PTPRQ: variants seen among roughly 807,000 people sequenced by gnomAD.
PTPRQ encodes protein tyrosine phosphatase receptor type Q.
A neutral mutation model predicts 246.0 loss-of-function variants in PTPRQ; 199 were observed. The observed-to-expected ratio is 0.81, with a 90% CI of 0.72 to 0.91. The LOEUF is 0.91. Among genes scored for constraint, PTPRQ ranks in the 40% least tolerant of loss-of-function variants. The probability of loss-of-function intolerance (pLI) is 0.00; values close to 1 mark genes in which losing one functional copy is unlikely to be tolerated. For synonymous variants in PTPRQ, 869 were observed against 853.2 expected (o/e 1.02, Z -0.32); for missense variants, 2,624 against 2,528.4 (o/e 1.04, Z -0.81).
chr12:80,675,675 G>A, intron 43 of PTPRQ, among the ~76,000 whole-genome samples: 1 of 152,100 alleles, frequency 6.6e-6, no homozygotes, highest in East Asian at 1.9e-4. Context: ...GTTCAAGAAT[G>A]TCTGTTAATA....
chr12:80,486,155 T>C (rs1490760742), intron 9 of PTPRQ, among the ~76,000 whole-genome samples: 1 of 152,152 alleles, frequency 6.6e-6, no homozygotes, highest in Non-Finnish European at 1.5e-5. Flanking sequence ...GGGTTAATAA[T>C]GAGAATTTAA....
intron 43 of PTPRQ, 143 bp downstream of exon 43, chr12:80,673,447 G>T: frequency 7.7e-7 from 1 of 1,299,924 alleles, no homozygotes; most frequent in South Asian, 1.7e-5. Context: ...GGGAGGATTC[G>T]GGAGGGCAGC....
intron 25 of PTPRQ, among the ~76,000 whole-genome samples, chr12:80,552,645 TTATATATATATATATA>T (rs71094985): frequency 0.014 from 1,056 of 76,472 alleles, 70 homozygotes; most frequent in African/African-American, 0.037. Context: ...AAAAAAAAAA[TTATATATATATATATA>T]TATATATATA....
In PTPRQ at chr12:80,472,145, A is replaced by C. The variant is rs1312745977; in HGVS notation, c.1080A>C (p.Ala360=). 1.9e-6 allele frequency: 3 copies of C among 1,551,600 alleles called. No homozygotes were observed. The Admixed American group carries it at 5.9e-5, about 30-fold the overall frequency. The part of the protein sequence containing the change: ...LDNSTKDLKF[A]FTNLTPFTMY... ...ACAGCACAAAAGACCTCAAGTTTGC[A>C]TTCACTAACCTAACACCATTTACAA... Residue 360 remains alanine (A), a synonymous_variant, in exon 8 of 45, where the codon GCA becomes GCC. Coordinates refer to ENST00000644991, the MANE Select transcript of PTPRQ (RefSeq NM_001145026.2).
Position 80,558,143 on chromosome 12 carries a change from C to CTTTTCTTTTCTTTTCT in PTPRQ, c.4285+8413_4285+8428dup, listed in dbSNP as rs1896709945. ...TCTTTCTTTTCTTTTCTTTTCTTTTCTTTTCTTTTCTTTTCTTTTCTTTTC... is the reference window on the plus strand; with the variant it reads ...TCTTTCTTTTCTTTTCTTTTCTTTTCTTTTCTTTTCTTTTCTTTTTCTTTTCTTTTCTTTTCTTTTC... On this transcript the variant is annotated intron_variant, in intron 25 of 44. Coordinates refer to ENST00000644991, the MANE Select transcript of PTPRQ (RefSeq NM_001145026.2). Among the ~76,000 whole-genome samples, 7 of 108,986 alleles carry CTTTTCTTTTCTTTTCT rather than the reference C, an allele frequency of 6.4e-5. 1 individual carries two copies. The highest frequency in any genetic ancestry group is 3.1e-4 in the African/African-American group (7 of 22,776). 71.5% of individuals were successfully genotyped at this position (108,986 alleles called of 152,430 possible).
In PTPRQ at chr12:80,613,637, A is replaced by G; in HGVS notation, c.4964A>G (p.Asp1655Gly). The change falls in exon 29 of 45, where the codon GAT (aspartate) becomes GGT (glycine). Residue 1655 changes from aspartate to glycine, a missense_variant. By Grantham distance (94) the Asp-to-Gly change is moderately conservative. Coordinates refer to ENST00000644991, the MANE Select transcript of PTPRQ (RefSeq NM_001145026.2). Reference protein sequence around the residue: ...PNNMTFQKIPDEVTKFQLTFL... With the variant: ...PNNMTFQKIPGEVTKFQLTFL... ...AACATGACATTTCAGAAGATACCAGATGAAGTTACAAAATTTCAATTAACG... is the reference window on the plus strand; with the variant it reads ...AACATGACATTTCAGAAGATACCAGGTGAAGTTACAAAATTTCAATTAACG... The G allele has an allele frequency of 6.5e-7, 1 of 1,545,582 alleles. No individual in the cohort carries two copies.
At chr12:80,451,373 T>A (rs532103791) in intron 3 of PTPRQ, among the ~76,000 whole-genome samples, 2 of 100,348 alleles carry the variant, frequency 2.0e-5, no homozygotes, top group Admixed American at 1.1e-4. Context: ...TGTGTCTCTA[T>A]GTCCTTCAGT....
In PTPRQ at chr12:80,455,835, G is replaced by A. The variant is rs573950202; in HGVS notation, c.391-1740G>A. ...AGACTGGTCTCGAACTCCTGACCTC[G>A]TGATTCGCCCACTTCTGCCTTCCAA... On this transcript the variant is annotated intron_variant, in intron 3 of 44. Coordinates refer to ENST00000644991, the MANE Select transcript of PTPRQ (RefSeq NM_001145026.2). 9.2e-5 allele frequency among the ~76,000 whole-genome samples: 14 copies of A among 152,036 alleles called. 1 individual carries two copies. Among genetic ancestry groups the A allele is most frequent in the South Asian group, 6.2e-4 (3 of 4,824 alleles).
intron 9 of PTPRQ, 54 bp from the exon 10 acceptor site, chr12:80,493,221 A>G: frequency 7.4e-7 from 1 of 1,358,768 alleles, no homozygotes; most frequent in Non-Finnish European, 9.5e-7. Flanking sequence ...TACTTGATTT[A>G]AGTCATGAAG....
At position 80,539,929 on chromosome 12, in the gene PTPRQ, T is replaced by G; in HGVS notation, c.3139T>G (p.Tyr1047Asp). 1.3e-6 allele frequency: 2 copies of G among 1,544,198 alleles called. No homozygotes were observed. Among genetic ancestry groups the G allele is most frequent in the Non-Finnish European group, 1.7e-6 (2 of 1,143,768 alleles). The stretch of plus-strand genomic sequence containing the variant: ...TAAAAGCAGTGACATCATTGAAGTA[T>G]ACACAGATCAAGACAGTATGTAAAC... ...GNKSSDIIEV[Y>D]TDQDIPEGFV... Residue 1047 changes from tyrosine to aspartate, a missense_variant, in exon 20 of 45, where the codon TAC becomes GAC. By Grantham distance (160) the Tyr-to-Asp change is radical. Transcript: ENST00000644991.
chr12:80,588,257 C>A lies in PTPRQ; in HGVS notation c.4414C>A (p.Gln1472Lys). ...NYKITTQLRA[Q>K]KCKEWESEEC... ...CAAAATTACCACTCAACTTCGTGCTCAAAAATGCAAAGAATGGGAATCCGA... is the reference window on the plus strand; with the variant it reads ...CAAAATTACCACTCAACTTCGTGCTAAAAAATGCAAAGAATGGGAATCCGA... Residue 1472 changes from glutamine to lysine, a missense_variant, in exon 26 of 45, where the codon CAA (glutamine) becomes AAA (lysine). Gln to Lys is a moderately conservative substitution (Grantham distance 53). Coordinates refer to ENST00000644991, the MANE Select transcript of PTPRQ (RefSeq NM_001145026.2). The A allele has an allele frequency of 6.4e-7, 1 of 1,551,524 alleles. No homozygotes were observed. The highest frequency in any genetic ancestry group is 8.7e-7 in the Non-Finnish European group (1 of 1,146,928).
chr12:80,619,474 C>T lies in PTPRQ; in HGVS notation c.5321C>T (p.Pro1774Leu). ...VTSTTITIRMPICYYSDDHGP... is the reference protein window; with the variant it reads ...VTSTTITIRMLICYYSDDHGP... ...TCAACAACAATTACAATCAGAATGC[C>T]AATATGTTACTACAGTGATGATCAT... is the stretch of plus-strand genomic sequence containing the variant. Residue 1774 changes from proline (P) to leucine (L), a missense_variant, in exon 31 of 45, where the codon CCA (proline) becomes CTA (leucine). Transcript: ENST00000644991. 2 of 1,547,878 alleles carry T rather than the reference C, an allele frequency of 1.3e-6. No homozygotes were observed. The highest frequency in any genetic ancestry group is 1.7e-6 in the Non-Finnish European group (2 of 1,144,616).
rs185755490 is a variant in PTPRQ, at chr12:80,484,479, G to T, written c.1233G>T (p.Thr411=). The change falls in exon 9 of 45, where the codon ACG becomes ACT. Residue 411 remains threonine (T), a synonymous_variant. Coordinates refer to ENST00000644991, the MANE Select transcript of PTPRQ (RefSeq NM_001145026.2). ...FDLQLAEVES[T]QVRITWKKPR... is the part of the protein sequence containing the mutation. ...TACAACTTGCAGAGGTAGAATCCACGCAAGTAAGAATTACTTGGAAGAAAC... is the reference window on the plus strand; with the variant it reads ...TACAACTTGCAGAGGTAGAATCCACTCAAGTAAGAATTACTTGGAAGAAAC... 1 of 1,550,930 alleles carries T rather than the reference G, an allele frequency of 6.4e-7. No individual in the cohort carries two copies. The highest frequency in any genetic ancestry group is 8.7e-7 in the Non-Finnish European group (1 of 1,146,746).
At chr12:80,640,122 C>A (rs553022378) in intron 35 of PTPRQ, among the ~76,000 whole-genome samples, 1 of 151,706 alleles carries the variant, frequency 6.6e-6, no homozygotes, top group African/African-American at 2.4e-5. Context: ...TAGACAAAGA[C>A]CCATGGAATT....
chr12:80,677,674 T>C (rs1450563381), intron 43 of PTPRQ, among the ~76,000 whole-genome samples: 1 of 152,182 alleles, frequency 6.6e-6, no homozygotes, highest in East Asian at 1.9e-4. Context: ...ATATTCCTAA[T>C]AATGACAAAC....
intron 9 of PTPRQ, among the ~76,000 whole-genome samples, chr12:80,488,044 C>T (rs766588306): frequency 1.3e-5 from 2 of 151,694 alleles, no homozygotes. Flanking sequence ...GAACTGAGGG[C>T]CCTGGATTCT....
In PTPRQ at chr12:80,534,152, T is replaced by C; in HGVS notation, c.2816T>C (p.Ile939Thr). Residue 939 changes from isoleucine to threonine, a missense_variant, in exon 18 of 45, where the codon ATT becomes ACT. Physicochemically the swap from Ile to Thr is moderately conservative, Grantham distance 89. Coordinates refer to ENST00000644991, the MANE Select transcript of PTPRQ (RefSeq NM_001145026.2). ...GATGGGAAAACAAGAAGCAATATCA[T>C]TAGCTTTCAAACACCAGAGGGAGGT... ...FGDGKTRSNIISFQTPEGAPS... is the reference protein window; with the variant it reads ...FGDGKTRSNITSFQTPEGAPS... The C allele has an allele frequency of 1.3e-6, 2 of 1,539,686 alleles. No individual in the cohort carries two copies. The highest frequency in any genetic ancestry group is 2.8e-5 in the African/African-American group (2 of 72,538).
At position 80,495,326 on chromosome 12, in the gene PTPRQ, A is replaced by G. The variant is rs945359895; in HGVS notation, c.1837A>G (p.Arg613Gly). 1.9e-5 allele frequency: 29 copies of G among 1,536,334 alleles called. No individual in the cohort carries two copies. Among genetic ancestry groups the G allele is most frequent in the Non-Finnish European group, 2.4e-5 (27 of 1,142,962 alleles). ...TIYAMELDTN[R>G]AFQITTIDNS... ...TTATGCAATGGAATTGGATACAAAC[A>G]GAGCATTCCAGATAACTACCATAGA... The change falls in exon 12 of 45, where the codon AGA becomes GGA. Residue 613 changes from arginine (R) to glycine (G), a missense_variant. Physicochemically the swap from Arg to Gly is moderately radical, Grantham distance 125. Transcript: ENST00000644991.
At chr12:80,560,706 A>T (rs1896797759) in intron 25 of PTPRQ, among the ~76,000 whole-genome samples, 1 of 152,242 alleles carries the variant, frequency 6.6e-6, no homozygotes. Context: ...GTGTTTAGTG[A>T]AACTGTTCAT....
Sources: allele counts gnomAD v4.1 joint callset (sites outside exome capture counted in the v4.1 genomes callset), GRCh38; gene constraint gnomAD v4.1.1; transcripts MANE v1.5; gene names NCBI Gene and HGNC (gene_info 2026-07-23, HGNC 2026-07-21).